DNAH11: variants seen among roughly 807,000 people sequenced by gnomAD.
DNAH11 encodes dynein axonemal heavy chain 11, also known as axonemal beta dynein heavy chain 11.
In DNAH11, 442 loss-of-function variants were observed where a neutral mutation model predicts 526.0. That is an observed-to-expected ratio of 0.84 (90% CI 0.78 to 0.91). The LOEUF (loss-of-function observed/expected upper bound fraction) is 0.91, where lower values mean the gene tolerates loss of function less well. DNAH11 is among the 40% of genes least tolerant of loss of function. The probability of loss-of-function intolerance (pLI) is 0.00; values close to 1 mark genes in which losing one functional copy is unlikely to be tolerated. For missense variants in DNAH11, 6,989 were observed against 5,448.7 expected, an observed-to-expected ratio of 1.28 and a Z score of -8.90; for synonymous variants, 2,461 against 1,935.9, an observed-to-expected ratio of 1.27 and a Z score of -7.12.
rs74806257 is a variant in DNAH11, at chr7:21,853,240, C to G, written c.11061+609C>G. Among the ~76,000 whole-genome samples the G allele has an allele frequency of 7.2e-5, 11 of 152,272 alleles. No homozygotes were observed. In the East Asian group the frequency reaches 1.2e-3, roughly 16 times the overall value. On this transcript the variant is annotated intron_variant, in intron 67 of 81. Transcript: ENST00000409508. ...TTGGACTTTCACAGATGACCGTTAA[C>G]CCTTAAAATGCCATTGTTTCAGTGT...
chr7:21,854,299 T>A lies in DNAH11; in HGVS notation c.11062-16T>A, dbSNP rs1215559135. Reference sequence around the variant, plus strand: ...AAGAGTAAATAAGTTACTTATTTTGTTTGATCCCACCATAGGTGATTGAAG... The same window carrying A: ...AAGAGTAAATAAGTTACTTATTTTGATTGATCCCACCATAGGTGATTGAAG... On this transcript the variant is annotated splice_polypyrimidine_tract_variant and intron_variant, in intron 67 of 81. Coordinates refer to ENST00000409508, the MANE Select transcript of DNAH11 (RefSeq NM_001277115.2). The A allele has an allele frequency of 6.2e-7, 1 of 1,611,948 alleles. No homozygotes were observed. The highest frequency in any genetic ancestry group is 1.3e-5 in the African/African-American group (1 of 74,832).
intron 43 of DNAH11, among the ~76,000 whole-genome samples, chr7:21,720,000 G>A (rs1262855617): frequency 6.6e-6 from 1 of 152,170 alleles, no homozygotes; most frequent in Non-Finnish European, 1.5e-5. Context: ...CTCATTGCTG[G>A]CGCAACTGCC....
chr7:21,634,465 C>G (rs980329463), intron 25 of DNAH11, among the ~76,000 whole-genome samples: 9 of 152,102 alleles, frequency 5.9e-5, no homozygotes, highest in Admixed American at 6.5e-5. Flanking sequence ...AAAGAAGAGT[C>G]AAGTATGTTA....
intron 36 of DNAH11, among the ~76,000 whole-genome samples, chr7:21,701,090 C>T (rs138863089): frequency 9.4e-4 from 143 of 151,802 alleles, no homozygotes; most frequent in South Asian, 3.1e-3. Context: ...ACATGTGTCC[C>T]GAAACTTAAA....
chr7:21,763,905 G>A (rs1787049496), intron 54 of DNAH11, among the ~76,000 whole-genome samples: 1 of 151,498 alleles, frequency 6.6e-6, no homozygotes, highest in African/African-American at 2.4e-5. Flanking sequence ...TGAACCTCGA[G>A]GACATCATGC....
chr7:21,849,979 C>CT (rs567350027), intron 66 of DNAH11, among the ~76,000 whole-genome samples: 14,516 of 142,538 alleles, frequency 0.1, 851 homozygotes, highest in Middle Eastern at 0.13. Context: ...AATTTTTATT[C>CT]TTTTTTTTTT....
chr7:21,625,090 A>C (rs1786266327), intron 25 of DNAH11, among the ~76,000 whole-genome samples: 1 of 151,720 alleles, frequency 6.6e-6, no homozygotes, highest in African/African-American at 2.4e-5. Context: ...GTTTTTTTGG[A>C]AGAGTTTGAG....
intron 9 of DNAH11, among the ~76,000 whole-genome samples, chr7:21,585,110 C>A (rs1206565751): frequency 6.6e-6 from 1 of 151,824 alleles, no homozygotes; most frequent in African/African-American, 2.4e-5. Flanking sequence ...TTTTCTTTAA[C>A]TTTTCAGATA....
chr7:21,663,703 G>T (rs1782320144), intron 30 of DNAH11, among the ~76,000 whole-genome samples: 1 of 150,572 alleles, frequency 6.6e-6, no homozygotes, highest in African/African-American at 2.4e-5. Context: ...TTCTATGCCT[G>T]GCTTATTTCA....
At chr7:21,663,276 C>T (rs1201912033) in intron 30 of DNAH11, among the ~76,000 whole-genome samples, 2 of 152,026 alleles carry the variant, frequency 1.3e-5, no homozygotes, top group East Asian at 1.9e-4. Context: ...AATAGTGTTG[C>T]AATAAACATA....
chr7:21,827,937 AT>A (rs528118829), intron 65 of DNAH11, among the ~76,000 whole-genome samples: 10 of 149,186 alleles, frequency 6.7e-5, no homozygotes, highest in East Asian at 2.0e-4. Flanking sequence ...AAGCTTACGG[AT>A]TTTTTTTTTA....
chr7:21,775,000 A>G (rs1305402537), intron 56 of DNAH11, among the ~76,000 whole-genome samples: 1 of 152,172 alleles, frequency 6.6e-6, no homozygotes, highest in Non-Finnish European at 1.5e-5. Flanking sequence ...GCTAGGCTAG[A>G]AATGAACTGA....
chr7:21,786,799 T>G, intron 59 of DNAH11, 32 bp downstream of exon 59: 1 of 1,612,226 alleles, frequency 6.2e-7, no homozygotes, highest in East Asian at 2.2e-5. Flanking sequence ...ATGAAAATCC[T>G]GATAATTTCC....
intron 66 of DNAH11, among the ~76,000 whole-genome samples, chr7:21,848,646 G>C (rs971886268): frequency 1.3e-5 from 2 of 151,766 alleles, no homozygotes; most frequent in Non-Finnish European, 2.9e-5. Context: ...TGTATATATA[G>C]CTGTAATATT....
intron 20 of DNAH11, among the ~76,000 whole-genome samples, chr7:21,612,809 A>G (rs1013686942): frequency 1.4e-4 from 22 of 152,212 alleles, no homozygotes; most frequent in Admixed American, 7.2e-4. Context: ...AATTATACCA[A>G]TTTATAAACA....
At chr7:21,708,148 T>C (rs760925739) in intron 40 of DNAH11, among the ~76,000 whole-genome samples, 1 of 152,180 alleles carries the variant, frequency 6.6e-6, no homozygotes, top group Non-Finnish European at 1.5e-5. Flanking sequence ...GTACCTGATA[T>C]GAGGCACTGA....
At chr7:21,648,670 T>G (rs753997371) in intron 28 of DNAH11, among the ~76,000 whole-genome samples, 47 of 152,350 alleles carry the variant, frequency 3.1e-4, no homozygotes, top group Admixed American at 5.9e-4. Context: ...CATTAAATCT[T>G]GGCGTGTTTT....
intron 66 of DNAH11, among the ~76,000 whole-genome samples, chr7:21,852,220 C>T (rs1159747803): frequency 6.6e-6 from 1 of 151,924 alleles, no homozygotes; most frequent in Non-Finnish European, 1.5e-5. Flanking sequence ...GCTTGACCAA[C>T]GTGGTGAAAC....
chr7:21,869,596 G>T (rs1452107509), intron 73 of DNAH11, among the ~76,000 whole-genome samples: 1 of 152,138 alleles, frequency 6.6e-6, no homozygotes, highest in Admixed American at 6.5e-5. Flanking sequence ...TGGAGGCCAG[G>T]CTCCTCCCCG....
Sources: allele counts gnomAD v4.1 joint callset (sites outside exome capture counted in the v4.1 genomes callset), GRCh38; gene constraint gnomAD v4.1.1; transcripts MANE v1.5; gene names NCBI Gene and HGNC (gene_info 2026-07-23, HGNC 2026-07-21).